PCDH15: variants seen among roughly 807,000 people sequenced by gnomAD.
PCDH15 encodes the protein protocadherin-15.
PCDH15 carries 129 observed loss-of-function variants against 178.5 expected under a neutral mutation model. That is an observed-to-expected ratio of 0.72 (90% CI 0.63 to 0.84). The LOEUF (loss-of-function observed/expected upper bound fraction) is 0.84, where lower values mean the gene tolerates loss of function less well. Among genes scored for constraint, PCDH15 ranks in the 40% least tolerant of loss-of-function variants. PCDH15 has a pLI of 0.00. For synonymous variants in PCDH15, 800 were observed against 732.0 expected, an observed-to-expected ratio of 1.09 and a Z score of -1.50; for missense variants, 2,230 against 2,099.9, an observed-to-expected ratio of 1.06 and a Z score of -1.21.
At chr10:55,422,728 G>A (rs1226382442) in intron 2 of PCDH15, among the ~76,000 whole-genome samples, 1 of 151,788 alleles carries the variant, frequency 6.6e-6, no homozygotes. Flanking sequence ...GGTATGTTGT[G>A]CTCGGCATGG....
At chr10:53,888,309 T>TATATATATATATATATAC (rs59199185) in intron 26 of PCDH15, among the ~76,000 whole-genome samples, 2 of 107,798 alleles carry the variant, frequency 1.9e-5, no homozygotes, top group African/African-American at 7.8e-5. Context: ...TATATATATA[T>TATATATATATATATATAC]GTATATATGT....
chr10:54,050,611 T>G (rs1332722491), intron 18 of PCDH15, among the ~76,000 whole-genome samples: 4 of 148,022 alleles, frequency 2.7e-5, no homozygotes, highest in East Asian at 2.0e-4. Context: ...ACATAAGGGG[T>G]TTTGTTTGTT....
At chr10:55,127,396 G>A (rs1837928794) in intron 2 of PCDH15, among the ~76,000 whole-genome samples, 1 of 152,000 alleles carries the variant, frequency 6.6e-6, no homozygotes, top group Admixed American at 6.6e-5. Flanking sequence ...CCTTATTGTA[G>A]TCATTCAAAA....
intron 2 of PCDH15, among the ~76,000 whole-genome samples, chr10:54,917,927 A>G (rs1003274276): frequency 6.6e-5 from 10 of 152,190 alleles, no homozygotes; most frequent in Admixed American, 5.9e-4. Context: ...ACACATTTCT[A>G]TGAGGTCAGT....
intron 18 of PCDH15, among the ~76,000 whole-genome samples, chr10:54,027,272 T>G (rs1351397781): frequency 1.3e-5 from 2 of 149,116 alleles, no homozygotes; most frequent in Non-Finnish European, 1.5e-5. Flanking sequence ...TACAAACCAC[T>G]GCTCAAGGAA....
chr10:55,425,155 G>T (rs1052573691), intron 2 of PCDH15, among the ~76,000 whole-genome samples: 3 of 151,554 alleles, frequency 2.0e-5, no homozygotes, highest in Non-Finnish European at 4.4e-5. Flanking sequence ...CACTATATAT[G>T]CTCTTAAATT....
At chr10:54,320,979 A>C (rs1185191848) in intron 7 of PCDH15, among the ~76,000 whole-genome samples, 1 of 151,692 alleles carries the variant, frequency 6.6e-6, no homozygotes, top group Non-Finnish European at 1.5e-5. Flanking sequence ...AAGAACTAAA[A>C]CAAATCTTTA....
At chr10:54,554,269 C>G (rs931446866) in intron 2 of PCDH15, among the ~76,000 whole-genome samples, 3 of 152,210 alleles carry the variant, frequency 2.0e-5, no homozygotes, top group African/African-American at 7.2e-5. Context: ...AAGTTAAGTC[C>G]TCTTTAGACA....
At chr10:55,479,409 G>A (rs1268125035) in intron 2 of PCDH15, among the ~76,000 whole-genome samples, 2 of 151,488 alleles carry the variant, frequency 1.3e-5, no homozygotes. Context: ...TATCTCAATA[G>A]AAGAAGAAAA....
In PCDH15 at chr10:55,334,260, G is replaced by A. The variant is rs1325599415; in HGVS notation, c.-155-167609C>T. Among the ~76,000 whole-genome samples the A allele has an allele frequency of 2.1e-3, 261 of 121,838 alleles. 3 individuals carry two copies. The highest frequency in any genetic ancestry group is 0.012 in the Admixed American group (154 of 12,656). 79.9% of individuals were successfully genotyped at this position (121,838 alleles called of 152,430 possible). A position where few individuals can be genotyped will look rare whatever the true frequency, so the allele number is the denominator to read the frequency against. On this transcript the variant is annotated intron_variant, in intron 2 of 5. Transcript: ENST00000613346. ...TATATATATGTGTGTGTGTGTGTGT[G>A]TGTGTGTGTGTGTGTGTGTGTGTGT...
intron 3 of PCDH15, among the ~76,000 whole-genome samples, chr10:54,889,500 G>GATATATAT (rs397688090): frequency 5.2e-4 from 74 of 142,014 alleles, no homozygotes; most frequent in African/African-American, 1.3e-3. Flanking sequence ...TAATTGTGAA[G>GATATATAT]ATATATATAT....
chr10:55,488,474 A>AT (rs1840346397), intron 2 of PCDH15, among the ~76,000 whole-genome samples: 6 of 151,642 alleles, frequency 4.0e-5, no homozygotes, highest in African/African-American at 1.4e-4. Context: ...TGAACTGGAG[A>AT]TTTTCATTAC....
At chr10:54,762,667 T>C (rs1372027958) in intron 1 of PCDH15, among the ~76,000 whole-genome samples, 1 of 152,112 alleles carries the variant, frequency 6.6e-6, no homozygotes, top group African/African-American at 2.4e-5. Context: ...GAGTAAACAC[T>C]TATGAAATTC....
chr10:54,515,034 G>A (rs746308936), intron 3 of PCDH15, among the ~76,000 whole-genome samples: 2 of 152,218 alleles, frequency 1.3e-5, no homozygotes, highest in African/African-American at 2.4e-5. Context: ...CTGGTTTACA[G>A]TTCCCAGCGT....
rs71461225 is a variant in PCDH15 at position 54,257,403 on chromosome 10, CT to C, written c.877-20473del. Among the ~76,000 whole-genome samples, 532 of 125,988 alleles carry C rather than the reference CT, an allele frequency of 4.2e-3. 4 individuals carry two copies. The highest frequency in any genetic ancestry group is 0.018 in the East Asian group (81 of 4,406). 82.7% of individuals were successfully genotyped at this position (125,988 alleles called of 152,430 possible). ...TGTGTGAAATAAAGAGAATTGTCTT[CT>C]TTTTTTTTTTTTTTTTGTCAAAGAA... On this transcript the variant is annotated intron_variant, in intron 8 of 37. Coordinates refer to ENST00000644397, the MANE Select transcript of PCDH15 (RefSeq NM_001384140.1).
chr10:55,298,430 GA>G (rs1350810300), intron 1 of PCDH15, among the ~76,000 whole-genome samples: 1 of 152,192 alleles, frequency 6.6e-6, no homozygotes, highest in African/African-American at 2.4e-5. Context: ...GGATTTCACA[GA>G]TTCTGAGCAT....
intron 2 of PCDH15, among the ~76,000 whole-genome samples, chr10:55,497,424 C>G (rs1033633149): frequency 6.6e-6 from 1 of 151,770 alleles, no homozygotes; most frequent in Non-Finnish European, 1.5e-5. Flanking sequence ...GCCACCGCGT[C>G]TGGCTGAAAA....
intron 8 of PCDH15, among the ~76,000 whole-genome samples, chr10:54,264,597 C>T (rs914582280): frequency 1.3e-5 from 2 of 152,116 alleles, no homozygotes; most frequent in African/African-American, 4.8e-5. Flanking sequence ...GAAAAATTCA[C>T]TAAATAAATT....
chr10:55,379,574 G>T (rs533472690), intron 2 of PCDH15, among the ~76,000 whole-genome samples: 2 of 151,952 alleles, frequency 1.3e-5, no homozygotes, highest in Non-Finnish European at 2.9e-5. Context: ...AATTAAGACA[G>T]GGAGAAGTTA....
Sources: gnomAD v4.1 joint callset for allele counts (sites outside exome capture counted in the v4.1 genomes callset) on GRCh38, gnomAD v4.1.1 for gene constraint, MANE v1.5 for transcripts, NCBI Gene and HGNC (gene_info 2026-07-23, HGNC 2026-07-21) for gene names.